The following SKAP2 variants were observed in gnomAD, a reference collection of about 807,000 sequenced individuals.
The protein encoded by SKAP2 is src kinase-associated phosphoprotein 2.
Under a neutral mutation model 54.9 loss-of-function variants are expected in SKAP2, and 28 were observed. The observed-to-expected ratio is 0.51, with a 90% confidence interval of 0.38 to 0.70. SKAP2 has a LOEUF of 0.70. Ranked by LOEUF, SKAP2 falls within the 30% of genes least tolerant of loss-of-function variation. The pLI is 0.00. For synonymous variants in SKAP2, 137 were observed against 134.3 expected, an observed-to-expected ratio of 1.02 and a Z score of -0.14; for missense variants, 356 against 424.1, an observed-to-expected ratio of 0.84 and a Z score of 1.41.
chr7:26,801,610 A>G (rs1318852141), intron 4 of SKAP2, among the ~76,000 whole-genome samples: 2 of 152,232 alleles, frequency 1.3e-5, no homozygotes, highest in East Asian at 1.9e-4. Flanking sequence ...GGAAAAACCT[A>G]AAGACTCCAC....
intron 9 of SKAP2, among the ~76,000 whole-genome samples, chr7:26,703,693 C>T (rs182687697): frequency 1.3e-5 from 2 of 152,190 alleles, no homozygotes; most frequent in African/African-American, 4.8e-5. Context: ...AAGTGGTCAA[C>T]ACAAATCTGC....
At chr7:26,740,626 C>T (rs1426359028) in intron 4 of SKAP2, among the ~76,000 whole-genome samples, 4 of 152,116 alleles carry the variant, frequency 2.6e-5, no homozygotes, top group African/African-American at 9.7e-5. Flanking sequence ...TGTATATTCA[C>T]GGTCATGGAT....
At chr7:26,711,554 G>C (rs867091958) in intron 9 of SKAP2, among the ~76,000 whole-genome samples, 23 of 152,160 alleles carry the variant, frequency 1.5e-4, no homozygotes, top group African/African-American at 5.3e-4. Context: ...AAGGCATCTA[G>C]AGCTACACAG....
chr7:26,693,152 C>T (rs1179083105), intron 9 of SKAP2, among the ~76,000 whole-genome samples: 1 of 151,892 alleles, frequency 6.6e-6, no homozygotes, highest in Non-Finnish European at 1.5e-5. Flanking sequence ...GCCAACATGG[C>T]AAAACCACGT....
Position 26,818,969 on chromosome 7 carries a change from T to C in SKAP2, c.307+25061A>G, listed in dbSNP as rs186613858. Among the ~76,000 whole-genome samples, 191 of 152,302 alleles carry C rather than the reference T, an allele frequency of 1.3e-3. 2 individuals carry two copies. The highest frequency in any genetic ancestry group is 0.012 in the Admixed American group (185 of 15,292). Reference sequence around the variant, plus strand: ...AGAAATACAAATGCTTTTACACTGTTCGTGGGAGTGTAAATTAGTTCAACC... The same window carrying C: ...AGAAATACAAATGCTTTTACACTGTCCGTGGGAGTGTAAATTAGTTCAACC... On this transcript the variant is annotated intron_variant, in intron 4 of 12. Transcript: ENST00000345317.
At chr7:26,739,147 G>A (rs1239948887) in intron 5 of SKAP2, among the ~76,000 whole-genome samples, 1 of 152,190 alleles carries the variant, frequency 6.6e-6, no homozygotes, top group Non-Finnish European at 1.5e-5. Context: ...TGACTATACA[G>A]TCTTGAGATA....
chr7:26,776,686 T>C (rs553987322), intron 4 of SKAP2, among the ~76,000 whole-genome samples: 3 of 152,178 alleles, frequency 2.0e-5, no homozygotes, highest in Non-Finnish European at 4.4e-5. Flanking sequence ...TTCTTTTGGA[T>C]CAACAACAAC....
intron 4 of SKAP2, among the ~76,000 whole-genome samples, chr7:26,808,852 A>T (rs1784080388): frequency 6.6e-6 from 1 of 152,248 alleles, no homozygotes; most frequent in Non-Finnish European, 1.5e-5. Flanking sequence ...ATATTAGAAG[A>T]AAACAGAAGA....
At chr7:26,663,757 G>A (rs1786058881), downstream of SKAP2, among the ~76,000 whole-genome samples, 1 of 152,136 alleles carries the variant, frequency 6.6e-6, no homozygotes, top group Non-Finnish European at 1.5e-5. Flanking sequence ...TCACATTGGA[G>A]GAGGTGGGAA....
intron 11 of SKAP2, among the ~76,000 whole-genome samples, chr7:26,681,234 G>C (rs1786486271): frequency 6.6e-6 from 1 of 152,156 alleles, no homozygotes; most frequent in Non-Finnish European, 1.5e-5. Flanking sequence ...CAGATCACCT[G>C]AGGTCAGGAG....
rs529899363 is a variant in SKAP2 at position 26,670,073 on chromosome 7, G to C, written c.*9+18C>G. The C allele has an allele frequency of 4.1e-6, 4 of 986,854 alleles. No homozygotes were observed. The highest frequency in any genetic ancestry group is 3.2e-5 in the African/African-American group (2 of 62,790). 61.1% of individuals were successfully genotyped at this position (986,854 alleles called of 1,614,324 possible). The stretch of plus-strand genomic sequence containing the variant: ...AACATATGAGCTATTACAGAATATT[G>C]GATTAAAATGTACTTACCCAGGACT... On this transcript the variant is annotated intron_variant, in intron 12 of 12. Coordinates refer to ENST00000345317, the MANE Select transcript of SKAP2 (RefSeq NM_003930.5).
chr7:26,816,230 AAAGAT>A (rs1427242059), intron 4 of SKAP2, among the ~76,000 whole-genome samples: 2 of 152,176 alleles, frequency 1.3e-5, no homozygotes, highest in African/African-American at 4.8e-5. Flanking sequence ...ACGGTAGATA[AAAGAT>A]AAGTGCATTG....
intron 4 of SKAP2, among the ~76,000 whole-genome samples, chr7:26,815,700 A>G (rs1784252226): frequency 2.0e-5 from 3 of 152,152 alleles, no homozygotes; most frequent in African/African-American, 4.8e-5. Flanking sequence ...GGATAAATCA[A>G]TTACCACCAA....
At chr7:26,658,365 C>A in the SKAP2 span, among the ~76,000 whole-genome samples, 1 of 152,180 alleles carries the variant, frequency 6.6e-6, no homozygotes. Flanking sequence ...TTGTGCAGAT[C>A]ATTTTACGTG....
At chr7:26,800,812 T>C (rs1562615745) in intron 4 of SKAP2, among the ~76,000 whole-genome samples, 1 of 152,038 alleles carries the variant, frequency 6.6e-6, no homozygotes, top group Non-Finnish European at 1.5e-5. Context: ...AATCCAAAAC[T>C]GGAACAGACC....
At chr7:26,825,038 G>C (rs963422856) in intron 4 of SKAP2, among the ~76,000 whole-genome samples, 1 of 152,124 alleles carries the variant, frequency 6.6e-6, no homozygotes, top group African/African-American at 2.4e-5. Context: ...CCAGGTCCTA[G>C]TGCTACAGGT....
chr7:26,848,351 C>G (rs2127997026), intron 3 of SKAP2, among the ~76,000 whole-genome samples: 1 of 152,258 alleles, frequency 6.6e-6, no homozygotes, highest in South Asian at 2.1e-4. Flanking sequence ...GTTCCAAAAT[C>G]CAAAACTTTT....
intron 4 of SKAP2, among the ~76,000 whole-genome samples, chr7:26,749,100 T>A (rs1184354650): frequency 1.3e-5 from 2 of 152,134 alleles, no homozygotes; most frequent in Non-Finnish European, 2.9e-5. Flanking sequence ...CATTGTTCCA[T>A]ACACATACAA....
intron 9 of SKAP2, among the ~76,000 whole-genome samples, chr7:26,697,334 A>C (rs1291263540): frequency 6.6e-6 from 1 of 152,208 alleles, no homozygotes; most frequent in Non-Finnish European, 1.5e-5. Context: ...GGGAATGTAT[A>C]TAGGTTAAAA....
Sources: gnomAD v4.1 joint callset for allele counts (sites outside exome capture counted in the v4.1 genomes callset) on GRCh38, gnomAD v4.1.1 for gene constraint, MANE v1.5 for transcripts, NCBI Gene and HGNC (gene_info 2026-07-23, HGNC 2026-07-21) for gene names.